The following NARS1 variants were observed in gnomAD, a reference collection of about 807,000 sequenced individuals.
NARS1 encodes the protein asparaginyl-tRNA synthetase 1.
NARS1 carries 65 observed loss-of-function variants against 79.2 expected under a neutral mutation model. The ratio of observed to expected loss-of-function variants is 0.82; its 90% CI spans 0.67 to 1.01. The LOEUF is 1.01. Ranked by LOEUF, NARS1 falls within the 50% of genes least tolerant of loss-of-function variation. The pLI is 0.00. For synonymous variants in NARS1, 229 were observed against 238.8 expected (o/e 0.96, Z 0.38); for missense variants, 649 against 673.8 (o/e 0.96, Z 0.41).
Position 57,607,717 on chromosome 18 carries a change from A to C in NARS1, c.580-52T>G, listed in dbSNP as rs759532764. 3.5e-6 allele frequency: 5 copies of C among 1,422,352 alleles called. No homozygotes were observed. The Admixed American group carries it at 9.4e-5, about 27-fold the overall frequency. The allele number at this position is 1,422,352 out of a possible 1,614,324, so 88.1% of individuals were successfully genotyped here. On this transcript the variant is annotated intron_variant, in intron 7 of 13. Coordinates refer to ENST00000256854, the MANE Select transcript of NARS1 (RefSeq NM_004539.4). The stretch of plus-strand genomic sequence containing the variant: ...AGAAAGAGGGAAAAGGAAATAAAAA[A>C]TTAACAGTATTGAGGATTTTAATTT...
chr18:57,607,935 T>G (rs889160150), intron 7 of NARS1, among the ~76,000 whole-genome samples: 2 of 151,394 alleles, frequency 1.3e-5, no homozygotes, highest in African/African-American at 2.4e-5. Context: ...TGACGCAATC[T>G]TGGCTCACAG....
At chr18:57,617,125 A>G (rs1480162736) in intron 2 of NARS1, among the ~76,000 whole-genome samples, 1 of 152,194 alleles carries the variant, frequency 6.6e-6, no homozygotes, top group African/African-American at 2.4e-5. Context: ...TTCAAAGTAC[A>G]TAAAAGATGA....
chr18:57,620,652 C>T lies in NARS1; in HGVS notation c.11-1G>A. ...TCTCGGTCAGAGACGTACAGCTCTG[C>T]TGTTTGACAAAATGAGGGTAAGTTA... On this transcript the variant is annotated splice_acceptor_variant, in intron 1 of 13. Coordinates refer to ENST00000256854, the MANE Select transcript of NARS1 (RefSeq NM_004539.4). LOFTEE classifies it high-confidence loss of function. The T allele has an allele frequency of 6.2e-7, 1 of 1,607,204 alleles. No individual in the cohort carries two copies. The highest frequency in any genetic ancestry group is 2.2e-5 in the East Asian group (1 of 44,834).
rs2051565336 is a variant in NARS1, at chr18:57,607,188, C to T, written c.947G>A (p.Cys316Tyr). 2 of 1,613,938 alleles carry T rather than the reference C, an allele frequency of 1.2e-6. No homozygotes were observed. The highest frequency in any genetic ancestry group is 1.7e-6 in the Non-Finnish European group (2 of 1,180,014). Residue 316 changes from cysteine to tyrosine, a missense_variant, in exon 9 of 14, where the codon TGT (cysteine) becomes TAT (tyrosine). Cys to Tyr is a radical substitution (Grantham distance 194). Coordinates refer to ENST00000256854, the MANE Select transcript of NARS1 (RefSeq NM_004539.4). Reference protein sequence around the residue: ...TCLPALGDVFCIAQSYRAEQS... With the variant: ...TCLPALGDVFYIAQSYRAEQS... Reference sequence around the variant, plus strand: ...CTCTGCCCGGTATGACTGAGCAATACAAAAAACATCTCCCAGGGCTGGGAG... The same window carrying T: ...CTCTGCCCGGTATGACTGAGCAATATAAAAAACATCTCCCAGGGCTGGGAG...
In NARS1 at chr18:57,606,726, G is replaced by A; in HGVS notation, c.1027C>T (p.Pro343Ser). 2 of 1,614,106 alleles carry A rather than the reference G, an allele frequency of 1.2e-6. No individual in the cohort carries two copies. Among genetic ancestry groups the A allele is most frequent in the East Asian group, 2.2e-5 (1 of 44,866 alleles). ...AEYTHVEAEC[P>S]FLTFDDLLNR... ...AGGAGGTCGTCAAAAGTCAGGAAAG[G>A]ACACTCAGCTTCCACGTGAGTGTAC... is the stretch of plus-strand genomic sequence containing the variant. Residue 343 changes from proline to serine, a missense_variant, in exon 10 of 14, where the codon CCT becomes TCT. Physicochemically the swap from Pro to Ser is moderately conservative, Grantham distance 74 (BLOSUM62 -1). Coordinates refer to ENST00000256854, the MANE Select transcript of NARS1 (RefSeq NM_004539.4).
chr18:57,609,129 A>G (rs1425489562), intron 7 of NARS1, among the ~76,000 whole-genome samples: 1 of 152,174 alleles, frequency 6.6e-6, no homozygotes, highest in Non-Finnish European at 1.5e-5. Flanking sequence ...CTCAGCCACT[A>G]CTGGCTTCCT....
chr18:57,602,289 AAT>A, intron 13 of NARS1, 64 bp downstream of exon 13: 1 of 1,487,708 alleles, frequency 6.7e-7, no homozygotes, highest in Non-Finnish European at 9.1e-7. Context: ...CCCTTTTAAA[AAT>A]TTCAATATAT....
At chr18:57,613,225 G>A (rs960789586) in intron 5 of NARS1, among the ~76,000 whole-genome samples, 8 of 151,482 alleles carry the variant, frequency 5.3e-5, no homozygotes, top group African/African-American at 1.2e-4. Context: ...CGGGCGCAGC[G>A]GCTCATACCT....
rs1189418045 is a variant in NARS1 at position 57,615,672 on chromosome 18, T to C, written c.311A>G (p.Lys104Arg). 4 of 1,613,022 alleles carry C rather than the reference T, an allele frequency of 2.5e-6. No homozygotes were observed. The highest frequency in any genetic ancestry group is 3.4e-6 in the Non-Finnish European group (4 of 1,179,592). Residue 104 changes from lysine (K) to arginine (R), a missense_variant, in exon 4 of 14, where the codon AAA (lysine) becomes AGA (arginine). Transcript: ENST00000256854. ...TGGCTCTGGGAGACTTGGATCATTTTTAATGGTAATCTTCTTTGCTTCTTC... is the reference window on the plus strand; with the variant it reads ...TGGCTCTGGGAGACTTGGATCATTTCTAATGGTAATCTTCTTTGCTTCTTC... ...NLEEAKKITI[K>R]NDPSLPEPKC...
chr18:57,616,107 C>T, intron 2 of NARS1, 132 bp from the exon 3 acceptor site: 3 of 799,900 alleles, frequency 3.8e-6, no homozygotes, highest in Non-Finnish European at 5.8e-6. Context: ...CTGATATTGG[C>T]ACAGTGACTG....
At chr18:57,609,298 G>A in intron 7 of NARS1, 59 bp downstream of exon 7, 3 of 1,395,338 alleles carry the variant, frequency 2.2e-6, no homozygotes, top group Non-Finnish European at 3.0e-6. Context: ...CAAAGACACT[G>A]GAAAACAAAC....
chr18:57,602,330 T>C (rs1245954060), intron 13 of NARS1, 25 bp downstream of exon 13: 34 of 1,604,066 alleles, frequency 2.1e-5, no homozygotes, highest in Non-Finnish European at 2.9e-5. Flanking sequence ...AAAAAAATGT[T>C]GAGTACTTAA....
Position 57,607,665 on chromosome 18 carries a change from C to A in NARS1, c.580G>T (p.Ala194Ser). The stretch of plus-strand genomic sequence containing the variant: ...CAACTCAGCTCATGGCCACCTGGAG[C>A]CTGCATTTTTTAAAAGTGGGGTCCA... ...MLNLTPKGKQ[A>S]PGGHELSCDF... The change falls in exon 8 of 14, where the codon GCT (alanine) becomes TCT (serine). Residue 194 changes from alanine (A) to serine (S), a missense_variant and splice_region_variant. Physicochemically the swap from Ala to Ser is moderately conservative, Grantham distance 99. Coordinates refer to ENST00000256854, the MANE Select transcript of NARS1 (RefSeq NM_004539.4). 3 of 1,603,802 alleles carry A rather than the reference C, an allele frequency of 1.9e-6. No homozygotes were observed. Among genetic ancestry groups the A allele is most frequent in the Non-Finnish European group, 2.6e-6 (3 of 1,173,134 alleles).
At chr18:57,602,562 A>C in intron 12 of NARS1, 76 bp from the exon 13 acceptor site, 2 of 1,514,440 alleles carry the variant, frequency 1.3e-6, no homozygotes, top group Non-Finnish European at 1.8e-6. Context: ...AGTTTAAATG[A>C]AAATTACAAT....
chr18:57,616,934 G>A (rs1268904804), intron 2 of NARS1, among the ~76,000 whole-genome samples: 6 of 101,744 alleles, frequency 5.9e-5, no homozygotes, highest in African/African-American at 2.0e-4. Context: ...GGGCGACAGA[G>A]AGAGACTCTG....
chr18:57,621,737 A>G lies in NARS1; in HGVS notation c.-20T>C. 1 of 1,613,890 alleles carries G rather than the reference A, an allele frequency of 6.2e-7. No homozygotes were observed. The highest frequency in any genetic ancestry group is 8.5e-7 in the Non-Finnish European group (1 of 1,179,998). ...CACCATGCCTGCAGTGGCCCTGGTCACCTCCAAGGACACAGACTGCAACAC... is the reference window on the plus strand; with the variant it reads ...CACCATGCCTGCAGTGGCCCTGGTCGCCTCCAAGGACACAGACTGCAACAC... On this transcript the variant is annotated 5_prime_UTR_variant, in exon 1 of 14. Transcript: ENST00000256854.
In NARS1 at chr18:57,613,650, C is replaced by A; in HGVS notation, c.373G>T (p.Gly125Cys). 1 of 1,614,110 alleles carries A rather than the reference C, an allele frequency of 6.2e-7. No homozygotes were observed. Among genetic ancestry groups the A allele is most frequent in the Non-Finnish European group, 8.5e-7 (1 of 1,179,970 alleles). Reference protein sequence around the residue: ...VKIGALEGYRGQRVKVFGWVH... With the variant: ...VKIGALEGYRCQRVKVFGWVH... ...CAGCCAAACACCTTTACTCTTTGGCCTCTATATCCTTCTAACGCACCAATC... is the reference window on the plus strand; with the variant it reads ...CAGCCAAACACCTTTACTCTTTGGCATCTATATCCTTCTAACGCACCAATC... The change falls in exon 5 of 14, where the codon GGC becomes TGC. Residue 125 changes from glycine to cysteine, a missense_variant. By Grantham distance (159) the Gly-to-Cys change is radical. Transcript: ENST00000256854.
In NARS1 at chr18:57,613,809, C is replaced by G. The variant is rs1051917238; in HGVS notation, c.343-129G>C. 8 of 697,690 alleles carry G rather than the reference C, an allele frequency of 1.1e-5. No homozygotes were observed. The African/African-American group carries it at 1.2e-4, about 11-fold the overall frequency. The allele number at this position is 697,690 out of a possible 1,614,324, so 43.2% of individuals were successfully genotyped here. On this transcript the variant is annotated intron_variant, in intron 4 of 13. Transcript: ENST00000256854. The stretch of plus-strand genomic sequence containing the variant: ...TGGTGCAAAACTGGAGACAGCCCCT[C>G]TACTGCAGCTCAGAACCAAACGCAT...
intron 7 of NARS1, among the ~76,000 whole-genome samples, chr18:57,608,225 T>C (rs994713798): frequency 6.6e-6 from 1 of 151,188 alleles, no homozygotes; most frequent in African/African-American, 2.4e-5. Context: ...CTGAGGCGGG[T>C]GGATAACGAG....
Sources: allele counts gnomAD v4.1 joint callset (sites outside exome capture counted in the v4.1 genomes callset), GRCh38; gene constraint gnomAD v4.1.1; transcripts MANE v1.5; gene names NCBI Gene and HGNC (gene_info 2026-07-23, HGNC 2026-07-21).